Variants in WWOX observed in about 807,000 individuals in gnomAD.
WWOX encodes WW domain containing oxidoreductase.
A neutral mutation model predicts 46.2 loss-of-function variants in WWOX; 69 were observed. That is an observed-to-expected ratio of 1.49 (90% CI 1.23 to 1.82). The LOEUF (loss-of-function observed/expected upper bound fraction) is 1.82, where lower values mean the gene tolerates loss of function less well. Among genes scored for constraint, WWOX ranks in the 40% most tolerant of loss-of-function variants. The pLI, the probability that WWOX is intolerant of heterozygous loss-of-function variation, is 0.00. For missense variants in WWOX, 919 were observed against 542.6 expected (o/e 1.69, Z -6.89); for synonymous variants, 359 against 202.6 (o/e 1.77, Z -6.56).
intron 8 of WWOX, among the ~76,000 whole-genome samples, chr16:79,070,380 C>T (rs1009852249): frequency 6.6e-6 from 1 of 151,854 alleles, no homozygotes; most frequent in Non-Finnish European, 1.5e-5. Flanking sequence ...TTTAAAGTGT[C>T]CTCCAGCAAA....
intron 8 of WWOX, among the ~76,000 whole-genome samples, chr16:78,512,096 C>T (rs559278037): frequency 7.9e-5 from 12 of 152,296 alleles, no homozygotes; most frequent in African/African-American, 2.9e-4. Context: ...AGCAATGCAA[C>T]TTGCACTTAA....
At chr16:78,457,777 G>A (rs979551251) in intron 8 of WWOX, among the ~76,000 whole-genome samples, 2 of 151,898 alleles carry the variant, frequency 1.3e-5, no homozygotes, top group Admixed American at 6.6e-5. Flanking sequence ...ATAGCTGGGC[G>A]TGGTGGCGGG....
chr16:78,197,171 C>G (rs1011835125), intron 5 of WWOX, among the ~76,000 whole-genome samples: 7 of 152,148 alleles, frequency 4.6e-5, no homozygotes, highest in South Asian at 4.1e-4. Flanking sequence ...TGCAAGGAAA[C>G]TGAGGCTCGG....
chr16:78,940,657 T>G (rs980785012), intron 8 of WWOX, among the ~76,000 whole-genome samples: 6 of 146,304 alleles, frequency 4.1e-5, no homozygotes, highest in African/African-American at 1.5e-4. Context: ...ATGTCTTTCT[T>G]TCTTTTCTTA....
At chr16:79,077,188 C>T (rs767187371) in intron 8 of WWOX, among the ~76,000 whole-genome samples, 2 of 152,194 alleles carry the variant, frequency 1.3e-5, no homozygotes, top group Non-Finnish European at 2.9e-5. Context: ...CTGGGCCTGA[C>T]ACCAATCAGG....
chr16:78,757,235 A>G (rs940177962), intron 8 of WWOX, among the ~76,000 whole-genome samples: 8 of 152,246 alleles, frequency 5.3e-5, no homozygotes, highest in Admixed American at 2.0e-4. Context: ...TTGTTATACA[A>G]CAGTGGATAA....
intron 8 of WWOX, among the ~76,000 whole-genome samples, chr16:78,724,270 C>T (rs905283788): frequency 6.6e-6 from 1 of 152,126 alleles, no homozygotes; most frequent in South Asian, 2.1e-4. Context: ...ATGAAAAAAG[C>T]CCCATTTGGT....
At chr16:78,752,150 C>G (rs565603133) in intron 8 of WWOX, among the ~76,000 whole-genome samples, 49 of 152,326 alleles carry the variant, frequency 3.2e-4, no homozygotes, top group African/African-American at 1.1e-3. Context: ...TGTACAATGT[C>G]TGCTTTTGAG....
chr16:79,019,034 G>A (rs2047474321), intron 8 of WWOX, among the ~76,000 whole-genome samples: 1 of 151,572 alleles, frequency 6.6e-6, no homozygotes, highest in Non-Finnish European at 1.5e-5. Flanking sequence ...GCTCATGCCT[G>A]TAGTTTCAGC....
chr16:78,724,868 C>G (rs936727679), intron 8 of WWOX, among the ~76,000 whole-genome samples: 1 of 152,174 alleles, frequency 6.6e-6, no homozygotes, highest in African/African-American at 2.4e-5. Flanking sequence ...TCCTCAAGGG[C>G]AATTGTGTTG....
chr16:78,727,284 A>C (rs2048858587), intron 8 of WWOX, among the ~76,000 whole-genome samples: 1 of 152,192 alleles, frequency 6.6e-6, no homozygotes, highest in South Asian at 2.1e-4. Flanking sequence ...ATGTAATCCC[A>C]GCTGCTAGGG....
intron 8 of WWOX, among the ~76,000 whole-genome samples, chr16:79,090,387 C>T (rs569980499): frequency 3.3e-5 from 5 of 151,458 alleles, no homozygotes; most frequent in Non-Finnish European, 4.4e-5. Flanking sequence ...TTCATTCATC[C>T]GTTCATTCAG....
intron 8 of WWOX, among the ~76,000 whole-genome samples, chr16:78,488,979 G>A (rs2084710366): frequency 6.6e-6 from 1 of 152,166 alleles, no homozygotes. Context: ...CCTGCATGTA[G>A]AACACAGAAC....
At chr16:78,624,565 ACTAAT>A (rs375168653) in intron 8 of WWOX, among the ~76,000 whole-genome samples, 35 of 152,350 alleles carry the variant, frequency 2.3e-4, no homozygotes, top group Middle Eastern at 3.4e-3. Flanking sequence ...GTATAAACAG[ACTAAT>A]CTAATAGCAT....
At chr16:79,084,702 C>T (rs142089485) in intron 8 of WWOX, among the ~76,000 whole-genome samples, 18 of 152,200 alleles carry the variant, frequency 1.2e-4, no homozygotes, top group Admixed American at 2.0e-4. Context: ...CATGAGCCAC[C>T]GCACCTGGAG....
intron 8 of WWOX, among the ~76,000 whole-genome samples, chr16:78,967,280 C>T (rs145775078): frequency 8.8e-5 from 12 of 137,034 alleles, no homozygotes; most frequent in Admixed American, 2.4e-4. Flanking sequence ...TCCTGCCTGC[C>T]GAGGCCTTTT....
At chr16:78,121,729 T>G (rs961857342) in intron 4 of WWOX, among the ~76,000 whole-genome samples, 1 of 151,980 alleles carries the variant, frequency 6.6e-6, no homozygotes, top group Admixed American at 6.6e-5. Flanking sequence ...TGGCGTGATC[T>G]CAGCTCACTG....
intron 8 of WWOX, among the ~76,000 whole-genome samples, chr16:78,903,010 T>G (rs2044868426): frequency 6.6e-6 from 1 of 152,110 alleles, no homozygotes; most frequent in Non-Finnish European, 1.5e-5. Flanking sequence ...CTTGGCATTT[T>G]GAAGAAATAG....
At chr16:78,613,262 C>G (rs2045942291) in intron 8 of WWOX, among the ~76,000 whole-genome samples, 1 of 152,120 alleles carries the variant, frequency 6.6e-6, no homozygotes. Flanking sequence ...TTCTCCGGGC[C>G]TAGGGCAGGG....
Sources: allele counts gnomAD v4.1 joint callset (sites outside exome capture counted in the v4.1 genomes callset), GRCh38; gene constraint gnomAD v4.1.1; transcripts MANE v1.5; gene names NCBI Gene and HGNC (gene_info 2026-07-23, HGNC 2026-07-21).